The following RANBP3 variants were observed in gnomAD, a reference collection of about 807,000 sequenced individuals.
RANBP3 encodes RAN binding protein 3.
In RANBP3, 14 loss-of-function variants were observed where a neutral mutation model predicts 77.3. The ratio of observed to expected loss-of-function variants is 0.18; its 90% CI spans 0.12 to 0.28. The LOEUF is 0.28. Ranked by LOEUF, RANBP3 falls within the 10% of genes least tolerant of loss-of-function variation. The pLI is 1.00. For missense variants in RANBP3, 586 were observed against 752.3 expected (o/e 0.78, Z 2.59); for synonymous variants, 315 against 312.4 (o/e 1.01, Z -0.09).
intron 1 of RANBP3, among the ~76,000 whole-genome samples, chr19:5,962,120 C>T (rs531212690): frequency 1.4e-4 from 22 of 152,170 alleles, no homozygotes; most frequent in Admixed American, 1.3e-3. Flanking sequence ...TATCACCCAG[C>T]GTACACCGCA....
At position 5,978,069 on chromosome 19, in the gene RANBP3, G is replaced by C. The variant is rs780268362; in HGVS notation, c.14C>G (p.Ala5Gly). 2 of 1,610,414 alleles carry C rather than the reference G, an allele frequency of 1.2e-6. No homozygotes were observed. The highest frequency in any genetic ancestry group is 1.7e-5 in the Admixed American group (1 of 59,758). ...AACGGCGCCTCCCCTACCTTCGTTC[G>C]CCAGGTCCGCCATTTTACTTCCTTA... MADL[A>G]NEEKPAIAPP... Residue 5 changes from alanine (A) to glycine (G), a missense_variant, in exon 1 of 17, where the codon GCG becomes GGG. This residue lies in a region of RANBP3 where 172 missense variants were observed against 183.4 expected (regional missense o/e 0.94). Coordinates refer to ENST00000340578, the MANE Select transcript of RANBP3 (RefSeq NM_007322.3).
At chr19:5,938,913 G>A (rs1250260174) in intron 5 of RANBP3, among the ~76,000 whole-genome samples, 2 of 152,056 alleles carry the variant, frequency 1.3e-5, no homozygotes, top group Non-Finnish European at 2.9e-5. Flanking sequence ...GGCCAGGTGC[G>A]GTGGCTCATG....
intron 1 of RANBP3, among the ~76,000 whole-genome samples, chr19:5,977,686 C>G (rs1160499496): frequency 5.3e-5 from 8 of 152,154 alleles, no homozygotes; most frequent in African/African-American, 1.9e-4. Context: ...GGGAGCGTGG[C>G]GCGCTCCGGG....
chr19:5,960,013 T>C (rs566981953), intron 1 of RANBP3, among the ~76,000 whole-genome samples: 1 of 152,010 alleles, frequency 6.6e-6, no homozygotes, highest in Non-Finnish European at 1.5e-5. Context: ...ACATGGCACA[T>C]GAACAAGGCC....
chr19:5,940,756 T>G (rs370301257), intron 5 of RANBP3, among the ~76,000 whole-genome samples: 10 of 152,350 alleles, frequency 6.6e-5, no homozygotes, highest in African/African-American at 2.2e-4. Context: ...TATGTCCAAG[T>G]TGGCACTACA....
At chr19:5,964,351 G>T (rs1217627949) in intron 1 of RANBP3, among the ~76,000 whole-genome samples, 5 of 152,256 alleles carry the variant, frequency 3.3e-5, no homozygotes, top group South Asian at 4.1e-4. Context: ...CGTGGCTATG[G>T]CTGTCAGGGT....
Position 5,925,000 on chromosome 19 carries a change from G to T in RANBP3, c.918-95C>A. 8.7e-7 allele frequency: 1 copy of T among 1,149,148 alleles called. No homozygotes were observed. Among genetic ancestry groups the T allele is most frequent in the Non-Finnish European group, 1.3e-6 (1 of 760,374 alleles). The allele number at this position is 1,149,148 out of a possible 1,614,324, so 71.2% of individuals were successfully genotyped here. A position where few individuals can be genotyped will look rare whatever the true frequency, so the allele number is the denominator to read the frequency against. On this transcript the variant is annotated intron_variant, in intron 10 of 16. Transcript: ENST00000340578. This position sits in a 1 kb window ranked among gnomAD's most constrained non-coding sequence, Gnocchi z 4.7. ...CATGGAGCACACACTGACACAGAGG[G>T]CACAGTGGAGGGGCCTCCGCCACTG... is the stretch of plus-strand genomic sequence containing the variant.
At position 5,964,133 on chromosome 19, in the gene RANBP3, T is replaced by C. The variant is rs200057491; in HGVS notation, c.23-6160A>G. Among the ~76,000 whole-genome samples, 4 of 152,170 alleles carry C rather than the reference T, an allele frequency of 2.6e-5. No homozygotes were observed. In the East Asian group the frequency reaches 7.7e-4, roughly 29 times the overall value. ...CCACTTGTGAGGCTCCGATGCAAAATGGGACCAGCTGGGATTCCCCAGGAC... is the reference window on the plus strand; with the variant it reads ...CCACTTGTGAGGCTCCGATGCAAAACGGGACCAGCTGGGATTCCCCAGGAC... On this transcript the variant is annotated intron_variant, in intron 1 of 16. Coordinates refer to ENST00000340578, the MANE Select transcript of RANBP3 (RefSeq NM_007322.3).
chr19:5,958,028 CA>C lies in RANBP3; in HGVS notation c.23-56del, dbSNP rs1379614145. 4 of 1,450,960 alleles carry C rather than the reference CA, an allele frequency of 2.8e-6. No homozygotes were observed. Among genetic ancestry groups the C allele is most frequent in the Non-Finnish European group, 3.9e-6 (4 of 1,033,972 alleles). The allele number at this position is 1,450,960 out of a possible 1,614,324, so 89.9% of individuals were successfully genotyped here. A position where few individuals can be genotyped will look rare whatever the true frequency, so the allele number is the denominator to read the frequency against. On this transcript the variant is annotated intron_variant, in intron 1 of 16. Coordinates refer to ENST00000340578, the MANE Select transcript of RANBP3 (RefSeq NM_007322.3). This position sits in a 1 kb window ranked among gnomAD's most constrained non-coding sequence, Gnocchi z 4.4. ...CCCAACACTATATGCATACAGTAAA[CA>C]AAGCTACACTTGTTTGTAATATGTT...
chr19:5,938,460 C>T (rs942014340), intron 5 of RANBP3, among the ~76,000 whole-genome samples: 3 of 152,120 alleles, frequency 2.0e-5, no homozygotes, highest in African/African-American at 4.8e-5. Context: ...GAGGCTGAGG[C>T]GGGAAGCTCG....
rs2058369234 is a variant in RANBP3 at position 5,959,056 on chromosome 19, G to C, written c.23-1083C>G. On this transcript the variant is annotated intron_variant, in intron 1 of 16. Transcript: ENST00000340578. The surrounding 1 kb of genome is among the most constrained non-coding windows in gnomAD (Gnocchi z 5.1). ...GGCACTCTGCTTGGGCATTGACCTG[G>C]TCTGCTCTGGAGTCCAGGGGAGGTC... Among the ~76,000 whole-genome samples the C allele has an allele frequency of 6.6e-6, 1 of 152,210 alleles. No homozygotes were observed. Among genetic ancestry groups the C allele is most frequent in the African/African-American group, 2.4e-5 (1 of 41,466 alleles).
At chr19:5,973,357 C>A (rs1008180832) in intron 1 of RANBP3, among the ~76,000 whole-genome samples, 1 of 152,218 alleles carries the variant, frequency 6.6e-6, no homozygotes, top group African/African-American at 2.4e-5. Flanking sequence ...TAGTTCTCAA[C>A]TGAAAGCAAC....
At chr19:5,967,065 G>C (rs989242851) in intron 1 of RANBP3, among the ~76,000 whole-genome samples, 1 of 152,214 alleles carries the variant, frequency 6.6e-6, no homozygotes, top group African/African-American at 2.4e-5. Flanking sequence ...TCACTGACGT[G>C]TCAGGTCTGT....
chr19:5,968,370 T>A (rs531834404), intron 1 of RANBP3, among the ~76,000 whole-genome samples: 1 of 152,216 alleles, frequency 6.6e-6, no homozygotes, highest in African/African-American at 2.4e-5. Flanking sequence ...TCTGGCACAA[T>A]GTCTTCATTT....
chr19:5,948,022 G>A (rs747292520), intron 3 of RANBP3, among the ~76,000 whole-genome samples: 2 of 152,116 alleles, frequency 1.3e-5, no homozygotes, highest in African/African-American at 4.8e-5. Context: ...GTGCCAAGGC[G>A]GCCCAGGGAA....
intron 1 of RANBP3, among the ~76,000 whole-genome samples, chr19:5,960,032 C>A (rs991083987): frequency 6.6e-6 from 1 of 152,164 alleles, no homozygotes; most frequent in African/African-American, 2.4e-5. Context: ...CCAGGCCTTT[C>A]GCTGGAGATC....
intron 3 of RANBP3, among the ~76,000 whole-genome samples, chr19:5,950,310 A>T (rs1476035164): frequency 6.6e-6 from 1 of 152,156 alleles, no homozygotes; most frequent in Non-Finnish European, 1.5e-5. Context: ...TGTGCCACGA[A>T]GGCCACTACT....
intron 1 of RANBP3, among the ~76,000 whole-genome samples, chr19:5,960,319 G>A (rs568169506): frequency 2.6e-5 from 4 of 152,196 alleles, no homozygotes; most frequent in South Asian, 2.1e-4. Context: ...TGAGAGAGGC[G>A]CGGTCCAGCC....
intron 5 of RANBP3, chr19:5,935,721 C>T (rs2058055452): frequency 4.4e-6 from 2 of 456,624 alleles, no homozygotes; most frequent in Non-Finnish European, 8.8e-6. Flanking sequence ...TGGCCCTCTC[C>T]AGAGCTGCAG....
Sources: gnomAD v4.1 joint callset for allele counts (sites outside exome capture counted in the v4.1 genomes callset) on GRCh38, gnomAD v4.1.1 for gene constraint, gnomAD v4.1.1 regional missense constraint, Gnocchi (gnomAD v3.1) non-coding constraint, MANE v1.5 for transcripts, NCBI Gene and HGNC (gene_info 2026-07-23, HGNC 2026-07-21) for gene names.